CNTN2: variants seen among roughly 807,000 people sequenced by gnomAD.
CNTN2 encodes contactin-2.
Under a neutral mutation model 117.5 loss-of-function variants are expected in CNTN2, and 53 were observed. That is an observed-to-expected ratio of 0.45 (90% CI 0.36 to 0.57). The LOEUF (loss-of-function observed/expected upper bound fraction) is 0.57. CNTN2 is among the 20% of genes least tolerant of loss of function. CNTN2 has a pLI of 0.00. For missense variants in CNTN2, 1,106 were observed against 1,404.3 expected, an observed-to-expected ratio of 0.79 and a Z score of 3.39; for synonymous variants, 530 against 561.7, an observed-to-expected ratio of 0.94 and a Z score of 0.80.
Position 205,067,269 on chromosome 1 carries a change from C to T in CNTN2, c.2125+19C>T. The T allele has an allele frequency of 3.1e-6, 5 of 1,602,042 alleles. No homozygotes were observed. The highest frequency in any genetic ancestry group is 4.3e-6 in the Non-Finnish European group (5 of 1,174,914). On this transcript the variant is annotated intron_variant, in intron 16 of 22. Transcript: ENST00000331830. ...GAAGCAGGTGAGAGTCCTGTGTGTC[C>T]CAAAAAGCTATCATCAGGGCAGAGA...
At chr1:205,050,278 A>AGT (rs3073631) in intron 1 of CNTN2, among the ~76,000 whole-genome samples, 15,913 of 145,286 alleles carry the variant, frequency 0.11, 960 homozygotes, top group East Asian at 0.23. Flanking sequence ...TAGAGCTCTG[A>AGT]GTGTGTGTGT....
At position 205,074,919 on chromosome 1, in the gene CNTN2, G is replaced by T. The variant is rs547491361; in HGVS notation, c.*1154G>T. ...GGCCTTGGACTGCTTGCATTTCCCC[G>T]GAGAAAAAGGGGTTAATAAATGGGC... On this transcript the variant is annotated 3_prime_UTR_variant, in exon 23 of 23. Transcript: ENST00000331830. 1.3e-5 allele frequency: 5 copies of T among 398,564 alleles called. 1 individual carries two copies. The South Asian group carries it at 6.4e-4, about 51-fold the overall frequency. 24.7% of individuals were successfully genotyped at this position (398,564 alleles called of 1,614,324 possible). A position where few individuals can be genotyped will look rare whatever the true frequency, so the allele number is the denominator to read the frequency against.
chr1:205,061,021 G>T lies in CNTN2; in HGVS notation c.798-224G>T, dbSNP rs1007255064. Reference sequence around the variant, plus strand: ...TTCACTGGCTCCAGGGTTGTTGCAGGGGGGATGGGTAGAGCAGCCCTGCCT... The same window carrying T: ...TTCACTGGCTCCAGGGTTGTTGCAGTGGGGATGGGTAGAGCAGCCCTGCCT... On this transcript the variant is annotated intron_variant, in intron 7 of 22. Coordinates refer to ENST00000331830, the MANE Select transcript of CNTN2 (RefSeq NM_005076.5). This position sits in a 1 kb window ranked among gnomAD's most constrained non-coding sequence, Gnocchi z 4.8. 8.1e-5 allele frequency: 42 copies of T among 517,082 alleles called. No individual in the cohort carries two copies. The highest frequency in any genetic ancestry group is 1.1e-4 in the Non-Finnish European group (33 of 293,004). 32.0% of individuals were successfully genotyped at this position (517,082 alleles called of 1,614,324 possible).
chr1:205,070,415 T>C lies in CNTN2; in HGVS notation c.2432-11T>C. ...CCTGGGAATCCAAACCCATTCTGTA[T>C]TGGTCCCCAGAGCCCAGGGTGGCCC... On this transcript the variant is annotated splice_polypyrimidine_tract_variant and intron_variant, in intron 18 of 22. Transcript: ENST00000331830. 1 of 1,597,676 alleles carries C rather than the reference T, an allele frequency of 6.3e-7. No individual in the cohort carries two copies. Among genetic ancestry groups the C allele is most frequent in the East Asian group, 2.2e-5 (1 of 44,698 alleles).
In CNTN2 at chr1:205,048,115, C is replaced by CCA. The variant is rs1394201481; in HGVS notation, c.-87+4724_-87+4725dup. Among the ~76,000 whole-genome samples the CCA allele has an allele frequency of 6.6e-6, 1 of 152,112 alleles. No individual in the cohort carries two copies. The highest frequency in any genetic ancestry group is 1.5e-5 in the Non-Finnish European group (1 of 68,006). Reference sequence around the variant, plus strand: ...TGATAATAAATCACTTAGTCTCTGCCCACAGCTGGGCTCTGAACTCCCCTT... The same window carrying CCA: ...TGATAATAAATCACTTAGTCTCTGCCCACACAGCTGGGCTCTGAACTCCCCTT... On this transcript the variant is annotated intron_variant, in intron 1 of 22. Transcript: ENST00000331830. The surrounding 1 kb of genome is among the most constrained non-coding windows in gnomAD (Gnocchi z 4.1).
intron 19 of CNTN2, chr1:205,070,767 C>T (rs901262578): frequency 1.2e-5 from 4 of 336,316 alleles, no homozygotes; most frequent in Admixed American, 4.3e-5. Context: ...GAGGCTGAGG[C>T]GGTAGATCTC....
chr1:205,058,810 T>TTTC lies in CNTN2; in HGVS notation c.487+148_487+150dup. On this transcript the variant is annotated intron_variant, in intron 5 of 22. Coordinates refer to ENST00000331830, the MANE Select transcript of CNTN2 (RefSeq NM_005076.5). This position sits in a 1 kb window ranked among gnomAD's most constrained non-coding sequence, Gnocchi z 4.3. ...GGACCCTAACTTTAAATGATCTGTG[T>TTTC]TTCCTTTATAGGTCTGTCACTTTCC... 1 of 691,474 alleles carries TTTC rather than the reference T, an allele frequency of 1.4e-6. No homozygotes were observed. Among genetic ancestry groups the TTTC allele is most frequent in the African/African-American group, 1.8e-5 (1 of 55,578 alleles). 42.8% of individuals were successfully genotyped at this position (691,474 alleles called of 1,614,324 possible). A position where few individuals can be genotyped will look rare whatever the true frequency, so the allele number is the denominator to read the frequency against.
At chr1:205,056,995 G>A in intron 2 of CNTN2, among the ~76,000 whole-genome samples, 1 of 152,140 alleles carries the variant, frequency 6.6e-6, no homozygotes, top group Middle Eastern at 3.2e-3. Flanking sequence ...CTTGAATTGT[G>A]ATACTGGAAT....
rs752120567 is a variant in CNTN2 at position 205,058,545 on chromosome 1, G to A, written c.392-23G>A. On this transcript the variant is annotated intron_variant, in intron 4 of 22. Transcript: ENST00000331830. This position sits in a 1 kb window ranked among gnomAD's most constrained non-coding sequence, Gnocchi z 4.3. ...CTCGCAGGCCAGGAGGACAGTGCCTGAGCCCCTGGTCTCTGCCTCCAGTTC... is the reference window on the plus strand; with the variant it reads ...CTCGCAGGCCAGGAGGACAGTGCCTAAGCCCCTGGTCTCTGCCTCCAGTTC... The A allele has an allele frequency of 1.2e-5, 19 of 1,611,030 alleles. No homozygotes were observed. Among genetic ancestry groups the A allele is most frequent in the Non-Finnish European group, 1.6e-5 (19 of 1,178,102 alleles).
intron 14 of CNTN2, 42 bp from the exon 15 acceptor site, chr1:205,066,399 C>A: frequency 6.3e-7 from 1 of 1,596,268 alleles, no homozygotes; most frequent in South Asian, 1.1e-5. Flanking sequence ...AAATTGGAAG[C>A]TGCCCAATTC....
intron 12 of CNTN2, 71 bp downstream of exon 12, chr1:205,064,821 C>G (rs571998188): frequency 2.0e-5 from 32 of 1,581,376 alleles, no homozygotes; most frequent in African/African-American, 2.7e-5. Flanking sequence ...TCATCCTGCT[C>G]CTGTGTCCAC....
chr1:205,070,200 G>A (rs1412109365), intron 18 of CNTN2, 139 bp downstream of exon 18: 1 of 855,168 alleles, frequency 1.2e-6, no homozygotes, highest in South Asian at 1.6e-5. Context: ...CACATCATTG[G>A]CCTCACTTCC....
chr1:205,069,077 C>T (rs1260735588), intron 16 of CNTN2: 1 of 161,332 alleles, frequency 6.2e-6, no homozygotes, highest in Admixed American at 6.4e-5. Flanking sequence ...ATTTATTCCC[C>T]TTATTTTAAA....
At chr1:205,055,021 T>A (rs543112819) in intron 2 of CNTN2, among the ~76,000 whole-genome samples, 2 of 152,040 alleles carry the variant, frequency 1.3e-5, no homozygotes, top group East Asian at 3.9e-4. Context: ...GCGGGTTTTG[T>A]TTTTGTTTTT....
In CNTN2 at chr1:205,073,633, G is replaced by A. The variant is rs760469929; in HGVS notation, c.3014-23G>A. 5.0e-6 allele frequency: 8 copies of A among 1,608,472 alleles called. No homozygotes were observed. Among genetic ancestry groups the A allele is most frequent in the Non-Finnish European group, 6.8e-6 (8 of 1,177,170 alleles). On this transcript the variant is annotated intron_variant, in intron 22 of 22. Coordinates refer to ENST00000331830, the MANE Select transcript of CNTN2 (RefSeq NM_005076.5). The surrounding 1 kb of genome is among the most constrained non-coding windows in gnomAD (Gnocchi z 6.3). Reference sequence around the variant, plus strand: ...GGCTAGGGTAGTCCCAGGCCCAGCTGACTCAGCTTGTGCTGGTTTCAGGCA... The same window carrying A: ...GGCTAGGGTAGTCCCAGGCCCAGCTAACTCAGCTTGTGCTGGTTTCAGGCA...
In CNTN2 at chr1:205,069,375, C is replaced by T. The variant is rs1303499505; in HGVS notation, c.2126-116C>T. 3 of 968,844 alleles carry T rather than the reference C, an allele frequency of 3.1e-6. No individual in the cohort carries two copies. In the African/African-American group the frequency reaches 4.9e-5, roughly 16 times the overall value. The allele number at this position is 968,844 out of a possible 1,614,324, so 60.0% of individuals were successfully genotyped here. On this transcript the variant is annotated intron_variant, in intron 16 of 22. Transcript: ENST00000331830. ...TCAGAGGGACCACTGGGGGGCAAAC[C>T]CAGGGCCCAGTTGAAGGGGTTCCCA...
rs1005951438 is a variant in CNTN2, at chr1:205,048,578, G to A, written c.-86-4522G>A. Reference sequence around the variant, plus strand: ...GCGAGGCTTGGCTGGCTCAGGGTTCGCAGGGCCAGCTCTGGGCCTGGCATA... The same window carrying A: ...GCGAGGCTTGGCTGGCTCAGGGTTCACAGGGCCAGCTCTGGGCCTGGCATA... On this transcript the variant is annotated intron_variant, in intron 1 of 22. Transcript: ENST00000331830. This position sits in a 1 kb window ranked among gnomAD's most constrained non-coding sequence, Gnocchi z 4.1. Among the ~76,000 whole-genome samples, 7 of 152,208 alleles carry A rather than the reference G, an allele frequency of 4.6e-5. No homozygotes were observed. Among genetic ancestry groups the A allele is most frequent in the African/African-American group, 1.7e-4 (7 of 41,526 alleles).
intron 19 of CNTN2, 197 bp downstream of exon 19, chr1:205,070,735 G>A (rs1338077739): frequency 2.1e-6 from 1 of 465,240 alleles, no homozygotes; most frequent in East Asian, 4.1e-5. Context: ...GGTGGCTCAT[G>A]CCTGTAATCC....
At chr1:205,056,400 G>A (rs973661151) in intron 2 of CNTN2, among the ~76,000 whole-genome samples, 1 of 152,176 alleles carries the variant, frequency 6.6e-6, no homozygotes, top group Non-Finnish European at 1.5e-5. Context: ...CGCCGCCTCC[G>A]CCTCTGAGGC....
Sources: gnomAD v4.1 joint callset for allele counts (sites outside exome capture counted in the v4.1 genomes callset) on GRCh38, gnomAD v4.1.1 for gene constraint, Gnocchi (gnomAD v3.1) non-coding constraint, MANE v1.5 for transcripts, NCBI Gene and HGNC (gene_info 2026-07-23, HGNC 2026-07-21) for gene names.